ARHGEF4: variants seen among roughly 807,000 people sequenced by gnomAD.
ARHGEF4 encodes the protein APC-stimulated guanine nucleotide exchange factor 1.
In ARHGEF4, 119 loss-of-function variants were observed where a neutral mutation model predicts 162.0. The observed-to-expected ratio is 0.73, with a 90% CI of 0.63 to 0.86. The LOEUF (loss-of-function observed/expected upper bound fraction) is 0.86. Ranked by LOEUF, ARHGEF4 falls within the 40% of genes least tolerant of loss-of-function variation. ARHGEF4 has a pLI of 0.00. For missense variants in ARHGEF4, 2,488 were observed against 2,456.0 expected, an observed-to-expected ratio of 1.01 and a Z score of -0.28; for synonymous variants, 1,014 against 979.9, an observed-to-expected ratio of 1.03 and a Z score of -0.65.
At chr2:130,848,199 A>T (rs938179286) in intron 1 of ARHGEF4, among the ~76,000 whole-genome samples, 2 of 152,160 alleles carry the variant, frequency 1.3e-5, no homozygotes, top group African/African-American at 4.8e-5. Flanking sequence ...GGGCTGCAGC[A>T]GGCCTGTGGG....
chr2:130,988,699 A>G (rs1416467079), intron 4 of ARHGEF4, among the ~76,000 whole-genome samples: 2 of 152,100 alleles, frequency 1.3e-5, no homozygotes, highest in African/African-American at 2.4e-5. Flanking sequence ...ATATTTCTCA[A>G]CAATATTATT....
intron 1 of ARHGEF4, among the ~76,000 whole-genome samples, chr2:130,906,077 T>A (rs554062403): frequency 6.6e-6 from 1 of 152,362 alleles, no homozygotes; most frequent in African/African-American, 2.4e-5. Flanking sequence ...TTGGCTTCTG[T>A]GCCCTTCAGG....
intron 4 of ARHGEF4, among the ~76,000 whole-genome samples, chr2:130,983,945 G>A (rs1284361307): frequency 1.3e-5 from 2 of 152,042 alleles, no homozygotes; most frequent in African/African-American, 4.8e-5. Context: ...CACAATGCCC[G>A]GCCTGAGTGC....
At position 131,041,893 on chromosome 2, in the gene ARHGEF4, T is replaced by G. The variant is rs1236859576; in HGVS notation, c.4974T>G (p.Leu1658=). 1 of 1,613,534 alleles carries G rather than the reference T, an allele frequency of 6.2e-7. No individual in the cohort carries two copies. The highest frequency in any genetic ancestry group is 1.3e-5 in the African/African-American group (1 of 74,930). Reference sequence around the variant, plus strand: ...TCATCAACGAGCGGAAGCGGAGACTTGAGAACATCGACAAGATTGCTCAGT... The same window carrying G: ...TCATCAACGAGCGGAAGCGGAGACTGGAGAACATCGACAAGATTGCTCAGT... ...AQLINERKRR[L]ENIDKIAQWQ... Residue 1658 remains leucine (L), a synonymous_variant, in exon 10 of 14, where the codon CTT becomes CTG. Coordinates refer to ENST00000409359, the MANE Select transcript of ARHGEF4 (RefSeq NM_001367493.1).
At chr2:130,992,733 C>A (rs534263337) in intron 4 of ARHGEF4, among the ~76,000 whole-genome samples, 2 of 152,180 alleles carry the variant, frequency 1.3e-5, no homozygotes, top group Non-Finnish European at 1.5e-5. Flanking sequence ...AATGCAACAA[C>A]TTTAAAGTAT....
At chr2:130,852,692 G>T (rs1287676753) in intron 1 of ARHGEF4, among the ~76,000 whole-genome samples, 1 of 152,218 alleles carries the variant, frequency 6.6e-6, no homozygotes. Context: ...ATGGGAGAGA[G>T]ATCTGAAAGC....
intron 1 of ARHGEF4, among the ~76,000 whole-genome samples, chr2:130,865,464 C>T (rs1192101018): frequency 6.6e-6 from 1 of 152,202 alleles, no homozygotes; most frequent in Non-Finnish European, 1.5e-5. Context: ...GAAATATCCT[C>T]TCAGGTCGTT....
At chr2:131,023,074 C>CAAAAAAAAAAAAAAAAAAAAAAA (rs56868632) in intron 4 of ARHGEF4, among the ~76,000 whole-genome samples, 1 of 66,650 alleles carries the variant, frequency 1.5e-5, no homozygotes, top group Non-Finnish European at 2.8e-5. Flanking sequence ...AACCCTGTCT[C>CAAAAAAAAAAAAAAAAAAAAAAA]AAAAAAAAAA....
At chr2:130,952,997 T>G (rs563691483) in intron 4 of ARHGEF4, among the ~76,000 whole-genome samples, 12 of 152,152 alleles carry the variant, frequency 7.9e-5, no homozygotes, top group African/African-American at 2.9e-4. Flanking sequence ...AATTTATAGA[T>G]TCAATGCCAT....
intron 1 of ARHGEF4, among the ~76,000 whole-genome samples, chr2:130,845,205 G>A (rs745682743): frequency 2.0e-5 from 3 of 151,280 alleles, no homozygotes; most frequent in African/African-American, 4.8e-5. Flanking sequence ...GTTGCTGGCC[G>A]AAGTTCCTGC....
At chr2:130,894,535 C>T (rs778771620) in intron 1 of ARHGEF4, among the ~76,000 whole-genome samples, 2 of 152,108 alleles carry the variant, frequency 1.3e-5, no homozygotes, top group South Asian at 2.1e-4. Context: ...GGTCCTGCCA[C>T]GGAGGCAGGA....
chr2:130,882,262 G>C (rs1679241952), intron 1 of ARHGEF4, among the ~76,000 whole-genome samples: 1 of 152,098 alleles, frequency 6.6e-6, no homozygotes. Context: ...CTGGGCCCAG[G>C]AGGGCCTGTT....
intron 8 of ARHGEF4, 101 bp downstream of exon 8, chr2:131,040,541 A>G: frequency 7.5e-7 from 1 of 1,324,970 alleles, no homozygotes; most frequent in Non-Finnish European, 1.0e-6. Flanking sequence ...AACCTTCCAC[A>G]ACGCCTGGGC....
At chr2:131,012,562 T>TTGTGTG (rs57278153) in intron 4 of ARHGEF4, among the ~76,000 whole-genome samples, 61 of 144,182 alleles carry the variant, frequency 4.2e-4, no homozygotes, top group African/African-American at 1.4e-3. Flanking sequence ...GCCAGGACTT[T>TTGTGTG]TGTGTGTGTG....
chr2:130,915,726 G>C lies in ARHGEF4; in HGVS notation c.1780G>C (p.Val594Leu). The change falls in exon 2 of 14, where the codon GTG (valine) becomes CTG (leucine). Residue 594 changes from valine to leucine, a missense_variant. Around this residue, in one of 6 missense-constraint regions of ARHGEF4, gnomAD observed 1,642 missense variants for 1,481.5 expected, o/e 1.11. Coordinates refer to ENST00000409359, the MANE Select transcript of ARHGEF4 (RefSeq NM_001367493.1). ...QGLSEFKAAT[V>L]SHCGPGAEEG... Reference sequence around the variant, plus strand: ...TCTTTCAGAATTCAAGGCAGCCACGGTGTCTCACTGCGGCCCCGGGGCTGA... The same window carrying C: ...TCTTTCAGAATTCAAGGCAGCCACGCTGTCTCACTGCGGCCCCGGGGCTGA... 6.5e-7 allele frequency: 1 copy of C among 1,549,194 alleles called. No individual in the cohort carries two copies. Among genetic ancestry groups the C allele is most frequent in the Non-Finnish European group, 8.7e-7 (1 of 1,146,116 alleles).
At chr2:130,839,086 G>C (rs1055859991) in intron 1 of ARHGEF4, among the ~76,000 whole-genome samples, 7 of 152,094 alleles carry the variant, frequency 4.6e-5, no homozygotes, top group Admixed American at 2.0e-4. Flanking sequence ...CCCCTCAGAG[G>C]GTCTCCTTTC....
Position 131,041,382 on chromosome 2 carries a change from C to T in ARHGEF4, c.4815C>T (p.Phe1605=). The T allele has an allele frequency of 6.2e-7, 1 of 1,613,494 alleles. No individual in the cohort carries two copies. Among genetic ancestry groups the T allele is most frequent in the Non-Finnish European group, 8.5e-7 (1 of 1,180,020 alleles). Residue 1605 remains phenylalanine (F), a synonymous_variant, in exon 9 of 14, where the codon TTC becomes TTT. Transcript: ENST00000409359. The stretch of plus-strand genomic sequence containing the variant: ...TGATTGACATCTCCCTGGATGGCTT[C>T]CTGCTGACTCCGGTGCAGAAGATCT... ...QKMIDISLDG[F]LLTPVQKICK...
chr2:131,039,935 C>T, intron 6 of ARHGEF4, 81 bp from the exon 7 acceptor site: 1 of 1,502,696 alleles, frequency 6.7e-7, no homozygotes, highest in East Asian at 2.5e-5. Flanking sequence ...CTCCGAGGCC[C>T]GGTTCCCGCC....
chr2:130,963,743 G>T (rs1486656372), intron 4 of ARHGEF4: 1 of 146,978 alleles, frequency 6.8e-6, no homozygotes, highest in Non-Finnish European at 1.5e-5. Context: ...GCGGCCGGTA[G>T]TGGGCAGCGA....
Sources: allele counts gnomAD v4.1 joint callset (sites outside exome capture counted in the v4.1 genomes callset), GRCh38; gene constraint gnomAD v4.1.1; regional missense constraint gnomAD v4.1.1; transcripts MANE v1.5; gene names NCBI Gene and HGNC (gene_info 2026-07-23, HGNC 2026-07-21).